Variants in NYAP2 observed in about 807,000 individuals in gnomAD.
NYAP2 encodes neuronal tyrosine-phosphorylated phosphoinositide-3-kinase adaptor 2.
In NYAP2, 23 loss-of-function variants were observed where a neutral mutation model predicts 50.4. The observed-to-expected ratio is 0.46, with a 90% CI of 0.33 to 0.65. The LOEUF is 0.65. NYAP2 is among the 30% of genes least tolerant of loss of function. The pLI is 0.02. For missense variants in NYAP2, 885 were observed against 861.0 expected, an observed-to-expected ratio of 1.03 and a Z score of -0.35; for synonymous variants, 394 against 365.2, an observed-to-expected ratio of 1.08 and a Z score of -0.90.
chr2:225,463,976 C>G (rs533752347), intron 3 of NYAP2, among the ~76,000 whole-genome samples: 1 of 152,228 alleles, frequency 6.6e-6, no homozygotes, highest in South Asian at 2.1e-4. Flanking sequence ...AAAGAACAGC[C>G]CTGTCAGTGA....
At chr2:225,608,094 T>G (rs1341476989) in intron 5 of NYAP2, among the ~76,000 whole-genome samples, 2 of 152,132 alleles carry the variant, frequency 1.3e-5, no homozygotes, top group African/African-American at 2.4e-5. Context: ...ATTGAACAGT[T>G]GGTAGATTTT....
intron 3 of NYAP2, among the ~76,000 whole-genome samples, chr2:225,489,886 T>C (rs1385687366): frequency 6.6e-6 from 1 of 152,106 alleles, no homozygotes; most frequent in Non-Finnish European, 1.5e-5. Flanking sequence ...TTTTTAAAGC[T>C]CCCCGGGGTG....
intron 4 of NYAP2, among the ~76,000 whole-genome samples, chr2:225,544,012 C>T (rs1691522865): frequency 6.6e-6 from 1 of 151,902 alleles, no homozygotes; most frequent in South Asian, 2.1e-4. Flanking sequence ...TGTATAGTGA[C>T]CTTCTTTGTC....
At chr2:225,703,390 ATAACAGATTTCTC>A in the NYAP2 span, 1 of 151,748 alleles carries the variant, frequency 6.6e-6, no homozygotes, top group Non-Finnish European at 1.5e-5. Flanking sequence ...TAAGCATTAG[ATAACAGATTTCTC>A]TACTCATGTG....
At chr2:225,524,662 C>G (rs1395974235) in intron 4 of NYAP2, among the ~76,000 whole-genome samples, 1 of 152,074 alleles carries the variant, frequency 6.6e-6, no homozygotes, top group Non-Finnish European at 1.5e-5. Context: ...GAAAATTTAG[C>G]AAAAATGCCT....
the NYAP2 span, among the ~76,000 whole-genome samples, chr2:225,665,032 C>T: frequency 2.0e-5 from 3 of 152,134 alleles, no homozygotes; most frequent in South Asian, 6.2e-4. Context: ...CATTTATAGT[C>T]TCTGAGAACA....
intron 3 of NYAP2, among the ~76,000 whole-genome samples, chr2:225,438,547 T>C (rs1689420292): frequency 6.6e-6 from 1 of 152,194 alleles, no homozygotes; most frequent in Admixed American, 6.5e-5. Context: ...TATCAAGAAG[T>C]TTTGGTAGAT....
At chr2:225,702,874 T>A in the NYAP2 span, 1 of 151,696 alleles carries the variant, frequency 6.6e-6, no homozygotes, top group Non-Finnish European at 1.5e-5. Flanking sequence ...TTTTGAAGTG[T>A]TCAATTGTTC....
chr2:225,686,107 G>C, the NYAP2 span, among the ~76,000 whole-genome samples: 1 of 152,122 alleles, frequency 6.6e-6, no homozygotes, highest in African/African-American at 2.4e-5. Flanking sequence ...ATGGTGTGCT[G>C]TTGGATGGGT....
chr2:225,469,837 C>T (rs1689984177), intron 3 of NYAP2, among the ~76,000 whole-genome samples: 1 of 152,004 alleles, frequency 6.6e-6, no homozygotes. Context: ...ACATCACACA[C>T]TGTGACCTGT....
intron 4 of NYAP2, among the ~76,000 whole-genome samples, chr2:225,562,719 C>T (rs1691897043): frequency 6.6e-6 from 1 of 152,046 alleles, no homozygotes. Context: ...GCTGAGAAAC[C>T]CAGGACACCA....
chr2:225,535,932 G>A (rs964605799), intron 4 of NYAP2, among the ~76,000 whole-genome samples: 3 of 152,006 alleles, frequency 2.0e-5, no homozygotes, highest in Admixed American at 6.5e-5. Context: ...ATTTTTCTGT[G>A]ACATAAAGAT....
chr2:225,402,161 T>C (rs1694874271), intron 2 of NYAP2, among the ~76,000 whole-genome samples: 1 of 151,914 alleles, frequency 6.6e-6, no homozygotes, highest in Non-Finnish European at 1.5e-5. Context: ...CATAGACAGT[T>C]TAGAGAATTA....
At chr2:225,499,168 C>T (rs1236528813) in intron 3 of NYAP2, among the ~76,000 whole-genome samples, 1 of 152,038 alleles carries the variant, frequency 6.6e-6, no homozygotes, top group East Asian at 1.9e-4. Flanking sequence ...AATGTAAAAG[C>T]AGGAGAGGAC....
At chr2:225,562,672 A>C in intron 4 of NYAP2, among the ~76,000 whole-genome samples, 1 of 152,114 alleles carries the variant, frequency 6.6e-6, no homozygotes, top group East Asian at 1.9e-4. Context: ...CACTATTCCC[A>C]ATTACCTCAT....
chr2:225,656,061 C>T (rs1228764841), downstream of NYAP2, among the ~76,000 whole-genome samples: 1 of 152,138 alleles, frequency 6.6e-6, no homozygotes, highest in Non-Finnish European at 1.5e-5. Flanking sequence ...ACTGAAACCT[C>T]AACTTCTTCG....
At chr2:225,561,072 T>G (rs1691863687) in intron 4 of NYAP2, among the ~76,000 whole-genome samples, 1 of 151,832 alleles carries the variant, frequency 6.6e-6, no homozygotes, top group Admixed American at 6.6e-5. Flanking sequence ...ATCGTGGAAC[T>G]TATGTTCTCG....
intron 4 of NYAP2, among the ~76,000 whole-genome samples, chr2:225,541,743 C>A (rs1189611844): frequency 6.6e-6 from 1 of 152,016 alleles, no homozygotes; most frequent in African/African-American, 2.4e-5. Context: ...CAGTTTTGTT[C>A]TTTTGCTTGA....
At chr2:225,485,706 T>C (rs1690281099) in intron 3 of NYAP2, among the ~76,000 whole-genome samples, 1 of 152,168 alleles carries the variant, frequency 6.6e-6, no homozygotes, top group African/African-American at 2.4e-5. Flanking sequence ...AGCCTTGCAC[T>C]CAGGGCAATC....
Sources: gnomAD v4.1 joint callset for allele counts (sites outside exome capture counted in the v4.1 genomes callset) on GRCh38, gnomAD v4.1.1 for gene constraint, MANE v1.5 for transcripts, NCBI Gene and HGNC (gene_info 2026-07-23, HGNC 2026-07-21) for gene names.